The following MBTPS1 variants were observed in gnomAD, a reference collection of about 807,000 sequenced individuals.
MBTPS1 encodes membrane-bound transcription factor site-1 protease.
A neutral mutation model predicts 127.8 loss-of-function variants in MBTPS1; 94 were observed. That is an observed-to-expected ratio of 0.74 (90% confidence interval 0.62 to 0.87). MBTPS1 has a LOEUF of 0.87. MBTPS1 is among the 40% of genes least tolerant of loss of function. MBTPS1 has a pLI of 0.00. For missense variants in MBTPS1, 1,636 were observed against 1,353.2 expected (o/e 1.21, Z -3.28); for synonymous variants, 632 against 509.4 (o/e 1.24, Z -3.24).
intron 1 of MBTPS1, among the ~76,000 whole-genome samples, chr16:84,104,892 A>G (rs959272858): frequency 3.9e-5 from 6 of 152,058 alleles, no homozygotes; most frequent in African/African-American, 1.5e-4. Flanking sequence ...CCTGGCCAAC[A>G]TGGTGAAACC....
chr16:84,098,207 C>A (rs1260356537), intron 3 of MBTPS1, among the ~76,000 whole-genome samples: 3 of 152,188 alleles, frequency 2.0e-5, no homozygotes, highest in Admixed American at 2.0e-4. Context: ...ATGCTCACAC[C>A]TGCACAGCTG....
At chr16:84,109,492 G>C (rs1477621735) in intron 1 of MBTPS1, 1 of 152,302 alleles carries the variant, frequency 6.6e-6, no homozygotes, top group East Asian at 1.9e-4. Context: ...AAGGGAAGCA[G>C]TAATGGGACA....
chr16:84,091,683 A>C (rs1166519001), intron 7 of MBTPS1, 49 bp downstream of exon 7: 1 of 1,323,530 alleles, frequency 7.6e-7, no homozygotes, highest in South Asian at 1.2e-5. Flanking sequence ...TTGGGCTGCG[A>C]AAGAGCAGGA....
At chr16:84,084,937 C>G (rs1425008496) in intron 10 of MBTPS1, 46 bp downstream of exon 10, 1 of 1,594,476 alleles carries the variant, frequency 6.3e-7, no homozygotes, top group Non-Finnish European at 8.6e-7. Flanking sequence ...ACCGAGTGCT[C>G]CTGTCCTGAC....
chr16:84,081,697 C>T (rs750584145), intron 11 of MBTPS1, 50 bp downstream of exon 11: 2 of 1,300,210 alleles, frequency 1.5e-6, no homozygotes, highest in Non-Finnish European at 9.9e-7. Flanking sequence ...AAAATTCGCC[C>T]AGAGCCCAGT....
intron 1 of MBTPS1, among the ~76,000 whole-genome samples, chr16:84,111,130 A>T (rs1197978621): frequency 6.6e-6 from 1 of 152,230 alleles, no homozygotes; most frequent in East Asian, 1.9e-4. Flanking sequence ...AGCTGTGACT[A>T]AATGAAGGCA....
chr16:84,115,910 T>G (rs1366189814), intron 1 of MBTPS1, among the ~76,000 whole-genome samples: 1 of 147,326 alleles, frequency 6.8e-6, no homozygotes, highest in Non-Finnish European at 1.5e-5. Context: ...CATTAAAAAA[T>G]AAGTATAAAT....
chr16:84,109,979 G>A (rs2086377034), intron 1 of MBTPS1, among the ~76,000 whole-genome samples: 1 of 152,174 alleles, frequency 6.6e-6, no homozygotes, highest in African/African-American at 2.4e-5. Context: ...GAGAAAAAAT[G>A]GTTTCATACT....
intron 3 of MBTPS1, among the ~76,000 whole-genome samples, chr16:84,098,773 C>A (rs1277693280): frequency 1.3e-5 from 2 of 152,152 alleles, no homozygotes; most frequent in African/African-American, 2.4e-5. Context: ...TCGCTTCCAA[C>A]AGAAACAAAG....
intron 21 of MBTPS1, among the ~76,000 whole-genome samples, chr16:84,058,439 C>T: frequency 6.6e-6 from 1 of 152,164 alleles, no homozygotes; most frequent in East Asian, 1.9e-4. Context: ...GGCCGGGTAC[C>T]AGGCGGCCAG....
chr16:84,058,405 CCTGCCTGAG>C (rs2085551686), intron 21 of MBTPS1, among the ~76,000 whole-genome samples: 1 of 152,172 alleles, frequency 6.6e-6, no homozygotes, highest in Non-Finnish European at 1.5e-5. Flanking sequence ...AGGGTAGCCT[CCTGCCTGAG>C]GGGCTGGGGA....
chr16:84,059,448 C>T lies in MBTPS1; in HGVS notation c.2705-20G>A. 1 of 1,596,278 alleles carries T rather than the reference C, an allele frequency of 6.3e-7. No homozygotes were observed. The highest frequency in any genetic ancestry group is 1.4e-5 in the African/African-American group (1 of 74,032). On this transcript the variant is annotated intron_variant, in intron 20 of 22. Coordinates refer to ENST00000343411, the MANE Select transcript of MBTPS1 (RefSeq NM_003791.4). Reference sequence around the variant, plus strand: ...GGTTTCCTGTGGTTAGCAGCAACATCAACAAAAAGGAAAATCATCTCTATT... The same window carrying T: ...GGTTTCCTGTGGTTAGCAGCAACATTAACAAAAAGGAAAATCATCTCTATT...
chr16:84,110,796 G>A (rs1381916157), intron 1 of MBTPS1: 1 of 152,220 alleles, frequency 6.6e-6, no homozygotes, highest in African/African-American at 2.4e-5. Context: ...ACTCTTCAGA[G>A]GCAGGTCGCC....
At position 84,095,320 on chromosome 16, in the gene MBTPS1, C is replaced by T. The variant is rs187100860; in HGVS notation, c.625+282G>A. On this transcript the variant is annotated intron_variant, in intron 4 of 22. Transcript: ENST00000343411. Reference sequence around the variant, plus strand: ...GGAGAGAAGTGCTCCACAGCCTTCCCTTCTAACCTCAGAAATGGTAACAAA... The same window carrying T: ...GGAGAGAAGTGCTCCACAGCCTTCCTTTCTAACCTCAGAAATGGTAACAAA... Among the ~76,000 whole-genome samples, 102 of 152,338 alleles carry T rather than the reference C, an allele frequency of 6.7e-4. 1 individual carries two copies. The highest frequency in any genetic ancestry group is 1.2e-3 in the Non-Finnish European group (81 of 68,030).
chr16:84,090,858 C>T lies in MBTPS1; in HGVS notation c.1031+17G>A, dbSNP rs2086095116. ...GGGGAAAAAATCCCCGAGGTCATCCCTGCTGGGGCTACTTACCCATAAAGA... is the reference window on the plus strand; with the variant it reads ...GGGGAAAAAATCCCCGAGGTCATCCTTGCTGGGGCTACTTACCCATAAAGA... On this transcript the variant is annotated intron_variant, in intron 8 of 22. Coordinates refer to ENST00000343411, the MANE Select transcript of MBTPS1 (RefSeq NM_003791.4). The T allele has an allele frequency of 1.3e-6, 2 of 1,599,696 alleles. No individual in the cohort carries two copies. Among genetic ancestry groups the T allele is most frequent in the Non-Finnish European group, 1.7e-6 (2 of 1,169,562 alleles).
At chr16:84,081,942 T>C in intron 10 of MBTPS1, 34 bp from the exon 11 acceptor site, 1 of 1,342,994 alleles carries the variant, frequency 7.4e-7, no homozygotes, top group East Asian at 2.8e-5. Context: ...CTATTTTCTC[T>C]CAGTAAAAGA....
At position 84,093,256 on chromosome 16, in the gene MBTPS1, T is replaced by G; in HGVS notation, c.778A>C (p.Met260Leu). ...GGAGCAAATCCTTGGCACTCCCTCA[T>G]GCTGGCTATCACACCTGCCACGAAT... ...GTFVAGVIAS[M>L]RECQGFAPDA... The change falls in exon 6 of 23, where the codon ATG (methionine) becomes CTG (leucine). Residue 260 changes from methionine (M) to leucine (L), a missense_variant. Physicochemically the swap from Met to Leu is conservative, Grantham distance 15. Transcript: ENST00000343411. 6.2e-7 allele frequency: 1 copy of G among 1,614,124 alleles called. No individual in the cohort carries two copies. The highest frequency in any genetic ancestry group is 1.3e-5 in the African/African-American group (1 of 75,036).
chr16:84,095,667 CT>C lies in MBTPS1; in HGVS notation c.559del (p.Arg187GlufsTer26). The C allele has an allele frequency of 6.2e-7, 1 of 1,614,246 alleles. No homozygotes were observed. Among genetic ancestry groups the C allele is most frequent in the Non-Finnish European group, 8.5e-7 (1 of 1,180,046 alleles). ...CTGGGCAACCTGGCGCGGGATGGCT[CT>C]CAGCAGCCGTCTGCTCGAATGCCTT... is the stretch of plus-strand genomic sequence containing the variant. ...TGRHSSRRLLRAIPRQVAQTL... is the reference protein window; with the variant it reads ...TGRHSSRRLLXAIPRQVAQTL... On this transcript the variant is annotated frameshift_variant, in exon 4 of 23. Transcript: ENST00000343411. LOFTEE classifies it high-confidence loss of function.
chr16:84,104,030 ACTT>A (rs1332998916), intron 1 of MBTPS1, among the ~76,000 whole-genome samples: 1 of 152,212 alleles, frequency 6.6e-6, no homozygotes, highest in East Asian at 1.9e-4. Flanking sequence ...GTAAGCCCCT[ACTT>A]CTTAGTTTCT....
Sources: allele counts gnomAD v4.1 joint callset (sites outside exome capture counted in the v4.1 genomes callset), GRCh38; gene constraint gnomAD v4.1.1; transcripts MANE v1.5; gene names NCBI Gene and HGNC (gene_info 2026-07-23, HGNC 2026-07-21).